The following DEPDC1B variants were observed in gnomAD, a reference collection of about 807,000 sequenced individuals.
DEPDC1B encodes the protein DEP domain-containing protein 1B.
A neutral mutation model predicts 66.5 loss-of-function variants in DEPDC1B; 51 were observed. The observed-to-expected ratio is 0.77, with a 90% CI of 0.61 to 0.97. The LOEUF is 0.97. DEPDC1B is among the 50% of genes least tolerant of loss of function. The pLI is 0.00. For missense variants in DEPDC1B, 552 were observed against 637.1 expected (o/e 0.87, Z 1.44); for synonymous variants, 226 against 223.6 (o/e 1.01, Z -0.10).
chr5:60,660,316 G>A (rs1258150298), intron 2 of DEPDC1B, among the ~76,000 whole-genome samples: 1 of 101,704 alleles, frequency 9.8e-6, no homozygotes, highest in African/African-American at 3.1e-5. Flanking sequence ...GAGAGACAAA[G>A]GGGGGGAGAG....
chr5:60,625,232 A>T (rs1752786961), intron 7 of DEPDC1B, among the ~76,000 whole-genome samples: 1 of 152,128 alleles, frequency 6.6e-6, no homozygotes, highest in African/African-American at 2.4e-5. Context: ...TTATAGTAGA[A>T]TGATTTATAA....
intron 2 of DEPDC1B, among the ~76,000 whole-genome samples, chr5:60,672,185 G>T (rs1282694672): frequency 6.6e-6 from 1 of 152,182 alleles, no homozygotes; most frequent in African/African-American, 2.4e-5. Flanking sequence ...CTTCACCAGG[G>T]TAAAAAGTCT....
chr5:60,630,471 G>A (rs1222690515), intron 7 of DEPDC1B: 1 of 152,240 alleles, frequency 6.6e-6, no homozygotes, highest in Non-Finnish European at 1.5e-5. Context: ...TTCCTCTTGG[G>A]ATGCCTTGCA....
At chr5:60,656,233 T>C (rs1421866900) in intron 2 of DEPDC1B, among the ~76,000 whole-genome samples, 1 of 150,458 alleles carries the variant, frequency 6.6e-6, no homozygotes, top group Non-Finnish European at 1.5e-5. Context: ...CGATTTTGGC[T>C]CACTACAAGC....
intron 7 of DEPDC1B, among the ~76,000 whole-genome samples, chr5:60,625,622 A>G (rs1406985940): frequency 1.3e-5 from 2 of 152,194 alleles, no homozygotes; most frequent in African/African-American, 4.8e-5. Flanking sequence ...CCACACCAAG[A>G]TATAATGCAA....
chr5:60,599,459 T>C (rs1340193606), intron 9 of DEPDC1B, among the ~76,000 whole-genome samples, 199 bp from the exon 10 acceptor site: 1 of 152,144 alleles, frequency 6.6e-6, no homozygotes. Context: ...AAAGCCACGG[T>C]TTTAAATTGG....
At chr5:60,640,117 A>G (rs2111857986) in intron 6 of DEPDC1B, among the ~76,000 whole-genome samples, 1 of 152,308 alleles carries the variant, frequency 6.6e-6, no homozygotes, top group East Asian at 1.9e-4. Context: ...CTTATAAAAT[A>G]ATTTGATTGG....
intron 1 of DEPDC1B, among the ~76,000 whole-genome samples, chr5:60,697,198 T>A (rs1754675638): frequency 6.6e-6 from 1 of 152,182 alleles, no homozygotes; most frequent in African/African-American, 2.4e-5. Flanking sequence ...TTATCATGAG[T>A]TGGGGCTGTC....
At chr5:60,690,193 T>C (rs557307470) in intron 1 of DEPDC1B, among the ~76,000 whole-genome samples, 1 of 152,190 alleles carries the variant, frequency 6.6e-6, no homozygotes, top group South Asian at 2.1e-4. Context: ...TTATGCTTTA[T>C]AATCAGAGAA....
chr5:60,666,077 C>A (rs928510806), intron 2 of DEPDC1B, among the ~76,000 whole-genome samples: 4 of 152,198 alleles, frequency 2.6e-5, no homozygotes. Context: ...TTTCGCTCGC[C>A]GTCCACCACT....
chr5:60,669,487 G>A (rs1753979784), intron 2 of DEPDC1B, among the ~76,000 whole-genome samples: 1 of 152,112 alleles, frequency 6.6e-6, no homozygotes, highest in Non-Finnish European at 1.5e-5. Context: ...CTATTTCCCA[G>A]AAATCCATGA....
At chr5:60,664,113 A>G (rs1753783688) in intron 2 of DEPDC1B, among the ~76,000 whole-genome samples, 1 of 152,220 alleles carries the variant, frequency 6.6e-6, no homozygotes, top group Non-Finnish European at 1.5e-5. Flanking sequence ...TTCTGGCCCT[A>G]AAGAAGGCCC....
intron 2 of DEPDC1B, among the ~76,000 whole-genome samples, chr5:60,649,656 T>G (rs1051996002): frequency 6.6e-6 from 1 of 152,164 alleles, no homozygotes; most frequent in African/African-American, 2.4e-5. Flanking sequence ...GCAACTAATT[T>G]AAAAGCCTCA....
Position 60,605,769 on chromosome 5 carries a change from A to C in DEPDC1B, c.986T>G (p.Leu329Arg). 1 of 1,613,844 alleles carries C rather than the reference A, an allele frequency of 6.2e-7. No individual in the cohort carries two copies. Among genetic ancestry groups the C allele is most frequent in the Non-Finnish European group, 8.5e-7 (1 of 1,179,860 alleles). The change falls in exon 8 of 11, where the codon CTA (leucine) becomes CGA (arginine). Residue 329 changes from leucine to arginine, a missense_variant. Coordinates refer to ENST00000265036, the MANE Select transcript of DEPDC1B (RefSeq NM_018369.3). ...AATCCTTGCCATCATCCTCATCAAT[A>C]GCTGTAACTTTCTCCTATTTTCAGG... ...LPPENRRKLQ[L>R]LMRMMARICL...
intron 7 of DEPDC1B, among the ~76,000 whole-genome samples, chr5:60,607,359 T>C (rs1752332125): frequency 1.3e-5 from 2 of 152,228 alleles, no homozygotes; most frequent in African/African-American, 4.8e-5. Flanking sequence ...TCAGGAATGC[T>C]GTTGATTATA....
At chr5:60,618,090 T>G (rs1056132563) in intron 7 of DEPDC1B, among the ~76,000 whole-genome samples, 1 of 152,106 alleles carries the variant, frequency 6.6e-6, no homozygotes, top group Non-Finnish European at 1.5e-5. Context: ...TTGAAACCAA[T>G]GAGAACAAAG....
intron 2 of DEPDC1B, among the ~76,000 whole-genome samples, chr5:60,671,702 CT>C (rs1754038335): frequency 6.6e-6 from 1 of 152,208 alleles, no homozygotes; most frequent in Non-Finnish European, 1.5e-5. Context: ...ACCCCAACCC[CT>C]GGCATTAAAT....
At chr5:60,652,846 CA>C (rs1370961503) in intron 2 of DEPDC1B, among the ~76,000 whole-genome samples, 2 of 149,352 alleles carry the variant, frequency 1.3e-5, no homozygotes, top group Non-Finnish European at 2.9e-5. Flanking sequence ...TAAGTGAGGA[CA>C]CGCAATGTTT....
At position 60,647,272 on chromosome 5, in the gene DEPDC1B, G is replaced by A. The variant is rs573953205; in HGVS notation, c.450+126C>T. 4.3e-5 allele frequency: 52 copies of A among 1,195,628 alleles called. No homozygotes were observed. In the African/African-American group the frequency reaches 6.3e-4, roughly 14 times the overall value. The allele number at this position is 1,195,628 out of a possible 1,614,324, so 74.1% of individuals were successfully genotyped here. A position where few individuals can be genotyped will look rare whatever the true frequency, so the allele number is the denominator to read the frequency against. On this transcript the variant is annotated intron_variant, in intron 3 of 10. Transcript: ENST00000265036. ...TTACTGGTCTCCCAGCTGTTGGCAGGTACAATTTTGTTTTAAAGTACCTTT... is the reference window on the plus strand; with the variant it reads ...TTACTGGTCTCCCAGCTGTTGGCAGATACAATTTTGTTTTAAAGTACCTTT...
Sources: gnomAD v4.1 joint callset for allele counts (sites outside exome capture counted in the v4.1 genomes callset) on GRCh38, gnomAD v4.1.1 for gene constraint, MANE v1.5 for transcripts, NCBI Gene and HGNC (gene_info 2026-07-23, HGNC 2026-07-21) for gene names.